PTPRD: variants seen among roughly 807,000 people sequenced by gnomAD.
PTPRD encodes protein tyrosine phosphatase receptor type D, also known as receptor-type tyrosine-protein phosphatase delta.
A neutral mutation model predicts 214.5 loss-of-function variants in PTPRD; 34 were observed. The observed-to-expected ratio is 0.16, with a 90% CI of 0.12 to 0.21. The LOEUF is 0.21. PTPRD is among the 10% of genes least tolerant of loss of function. The pLI, the probability that PTPRD is intolerant of heterozygous loss-of-function variation, is 1.00. For missense variants in PTPRD, 2,545 were observed against 2,398.7 expected, an observed-to-expected ratio of 1.06 and a Z score of -1.27; for synonymous variants, 1,128 against 845.7, an observed-to-expected ratio of 1.33 and a Z score of -5.79.
chr9:8,507,316 C>A lies in PTPRD; in HGVS notation c.1662G>T (p.Gly554=), dbSNP rs1385886345. Residue 554 remains glycine (G), a synonymous_variant, in exon 22 of 46, where the codon GGG becomes GGT. Coordinates refer to ENST00000381196, the MANE Select transcript of PTPRD (RefSeq NM_002839.4). ...IANYELVYKD[G]EHGEEQRITI... Reference sequence around the variant, plus strand: ...ATAGTCTTACCTCCTCTCCATGCTCCCCATCTTTGTAGACCAGTTCATAGT... The same window carrying A: ...ATAGTCTTACCTCCTCTCCATGCTCACCATCTTTGTAGACCAGTTCATAGT... The A allele has an allele frequency of 6.2e-7, 1 of 1,613,782 alleles. No homozygotes were observed. The highest frequency in any genetic ancestry group is 1.3e-5 in the African/African-American group (1 of 74,900).
chr9:8,664,292 G>T (rs1457616704), intron 12 of PTPRD, among the ~76,000 whole-genome samples: 1 of 152,104 alleles, frequency 6.6e-6, no homozygotes, highest in African/African-American at 2.4e-5. Context: ...ACCATCATGT[G>T]TATCTATCAA....
rs114666217 is a variant in PTPRD, at chr9:9,940,239, G to A, written c.-471-1629C>T. Among the ~76,000 whole-genome samples the A allele has an allele frequency of 2.3e-3, 354 of 152,188 alleles. 1 individual carries two copies. Among genetic ancestry groups the A allele is most frequent in the African/African-American group, 8.2e-3 (339 of 41,526 alleles). ...TCTTGGTTTGGGAGTCACAGGTAGC[G>A]TAAGATGGCAGCACAGATGGAAGTC... is the stretch of plus-strand genomic sequence containing the variant. On this transcript the variant is annotated intron_variant, in intron 4 of 45. Coordinates refer to ENST00000381196, the MANE Select transcript of PTPRD (RefSeq NM_002839.4).
chr9:9,889,866 T>G (rs1161309868), intron 5 of PTPRD, among the ~76,000 whole-genome samples: 1 of 151,780 alleles, frequency 6.6e-6, no homozygotes, highest in African/African-American at 2.4e-5. Flanking sequence ...TTCTGAAGGG[T>G]GCACGGGTTC....
chr9:8,523,986 A>G (rs924593773), intron 18 of PTPRD, among the ~76,000 whole-genome samples: 1 of 152,150 alleles, frequency 6.6e-6, no homozygotes, highest in Non-Finnish European at 1.5e-5. Flanking sequence ...TGTAACTTAA[A>G]GCCCTCTCAG....
chr9:8,317,751 G>A lies in PTPRD; in HGVS notation c.*123C>T. 1 of 756,054 alleles carries A rather than the reference G, an allele frequency of 1.3e-6. No homozygotes were observed. Among genetic ancestry groups the A allele is most frequent in the Non-Finnish European group, 2.3e-6 (1 of 439,652 alleles). 46.8% of individuals were successfully genotyped at this position (756,054 alleles called of 1,614,324 possible). A position where few individuals can be genotyped will look rare whatever the true frequency, so the allele number is the denominator to read the frequency against. ...TTTTTAATTTGTTTTGTGTGTAATA[G>A]TCCCACTAAGTAGTTGTTAGCTAGA... On this transcript the variant is annotated 3_prime_UTR_variant, in exon 46 of 46. Coordinates refer to ENST00000381196, the MANE Select transcript of PTPRD (RefSeq NM_002839.4).
At chr9:10,525,675 G>T (rs1224813066) in intron 2 of PTPRD, among the ~76,000 whole-genome samples, 1 of 151,470 alleles carries the variant, frequency 6.6e-6, no homozygotes, top group Non-Finnish European at 1.5e-5. Context: ...TATCCAGAAA[G>T]CTTGAGCCAT....
At chr9:8,382,627 G>A (rs2085469330) in intron 37 of PTPRD, among the ~76,000 whole-genome samples, 1 of 152,184 alleles carries the variant, frequency 6.6e-6, no homozygotes, top group African/African-American at 2.4e-5. Context: ...CTGCTGACAA[G>A]AGAAAACCAA....
intron 10 of PTPRD, among the ~76,000 whole-genome samples, chr9:9,165,653 T>A (rs574640166): frequency 6.6e-6 from 1 of 152,224 alleles, no homozygotes; most frequent in African/African-American, 2.4e-5. Flanking sequence ...ATGTCAACTA[T>A]GACTCTGTAC....
At chr9:9,222,095 A>C (rs1390907062) in intron 9 of PTPRD, among the ~76,000 whole-genome samples, 1 of 152,108 alleles carries the variant, frequency 6.6e-6, no homozygotes, top group Non-Finnish European at 1.5e-5. Flanking sequence ...ATCCACTGTA[A>C]CAATATTAAT....
intron 2 of PTPRD, among the ~76,000 whole-genome samples, chr9:10,392,938 T>G (rs1172597298): frequency 6.6e-6 from 1 of 151,734 alleles, no homozygotes; most frequent in Non-Finnish European, 1.5e-5. Flanking sequence ...TTCATCACAG[T>G]GGGGTCTGCT....
chr9:9,940,309 G>A (rs1349089938), intron 4 of PTPRD, among the ~76,000 whole-genome samples: 1 of 152,102 alleles, frequency 6.6e-6, no homozygotes, highest in East Asian at 1.9e-4. Context: ...CTTACCTCTG[G>A]TTTCTTGACT....
At chr9:10,525,756 G>GTGTA (rs1377675144) in intron 2 of PTPRD, among the ~76,000 whole-genome samples, 1 of 151,570 alleles carries the variant, frequency 6.6e-6, no homozygotes, top group Admixed American at 6.6e-5. Context: ...GTGTGTGTGT[G>GTGTA]TATTTTCCCT....
At chr9:8,391,237 C>T (rs1040490722) in intron 36 of PTPRD, among the ~76,000 whole-genome samples, 10 of 151,954 alleles carry the variant, frequency 6.6e-5, no homozygotes, top group Admixed American at 2.0e-4. Flanking sequence ...TTTCTGATTC[C>T]GGTTGTAAAG....
chr9:9,928,620 T>C (rs2085189579), intron 5 of PTPRD, among the ~76,000 whole-genome samples: 1 of 152,160 alleles, frequency 6.6e-6, no homozygotes, highest in African/African-American at 2.4e-5. Flanking sequence ...CCATTACTAC[T>C]GTTATTAGAA....
At chr9:9,286,346 T>C (rs980444512) in intron 9 of PTPRD, among the ~76,000 whole-genome samples, 4 of 151,848 alleles carry the variant, frequency 2.6e-5, no homozygotes, top group African/African-American at 7.2e-5. Context: ...CTGTCAACAA[T>C]ACAGCAAAGA....
intron 3 of PTPRD, among the ~76,000 whole-genome samples, chr9:10,273,218 C>A (rs1042489159): frequency 6.6e-6 from 1 of 152,102 alleles, no homozygotes; most frequent in Non-Finnish European, 1.5e-5. Context: ...CCCTTTTAGA[C>A]CAAATATAGT....
chr9:9,400,585 C>T (rs2069961841), intron 8 of PTPRD, among the ~76,000 whole-genome samples: 1 of 151,960 alleles, frequency 6.6e-6, no homozygotes, highest in Non-Finnish European at 1.5e-5. Flanking sequence ...ATCTCCCCAC[C>T]CCCTACAGAA....
intron 11 of PTPRD, among the ~76,000 whole-genome samples, chr9:8,846,286 G>C (rs1299749707): frequency 6.6e-6 from 1 of 152,152 alleles, no homozygotes; most frequent in African/African-American, 2.4e-5. Context: ...TCACCTCTGA[G>C]TTTTCTGGGC....
chr9:9,682,636 G>C (rs1178747631), intron 7 of PTPRD, among the ~76,000 whole-genome samples: 1 of 151,750 alleles, frequency 6.6e-6, no homozygotes, highest in African/African-American at 2.4e-5. Flanking sequence ...TAGGGAGACA[G>C]ACTGTCCAGT....
Sources: gnomAD v4.1 joint callset for allele counts (sites outside exome capture counted in the v4.1 genomes callset) on GRCh38, gnomAD v4.1.1 for gene constraint, MANE v1.5 for transcripts, NCBI Gene and HGNC (gene_info 2026-07-23, HGNC 2026-07-21) for gene names.